Variants in CEP152 observed in about 807,000 individuals in gnomAD.
CEP152 encodes the protein centrosomal protein 152, also known as centrosomal protein of 152 kDa.
Under a neutral mutation model 188.9 loss-of-function variants are expected in CEP152, and 132 were observed. The observed-to-expected ratio is 0.70, with a 90% CI of 0.61 to 0.81. The LOEUF is 0.81. Among genes scored for constraint, CEP152 ranks in the 30% least tolerant of loss-of-function variants. The pLI is 0.00. For synonymous variants in CEP152, 649 were observed against 666.6 expected (o/e 0.97, Z 0.41); for missense variants, 1,914 against 1,969.8 (o/e 0.97, Z 0.54).
Position 48,788,817 on chromosome 15 carries a change from G to C in CEP152, c.1157C>G (p.Thr386Ser). 2 of 1,614,136 alleles carry C rather than the reference G, an allele frequency of 1.2e-6. No homozygotes were observed. The highest frequency in any genetic ancestry group is 1.7e-6 in the Non-Finnish European group (2 of 1,179,992). ...SLQKNLDATV[T>S]ALKEQEDICS... The stretch of plus-strand genomic sequence containing the variant: ...CATCCCAACCTGTTCTTTAAGTGCG[G>C]TGACTGTGGCATCCAAATTCTTTTG... The change falls in exon 9 of 27, where the codon ACC becomes AGC. Residue 386 changes from threonine to serine, a missense_variant. Transcript: ENST00000380950.
intron 20 of CEP152, among the ~76,000 whole-genome samples, chr15:48,753,904 T>C (rs954467329): frequency 3.3e-5 from 5 of 152,244 alleles, no homozygotes; most frequent in Non-Finnish European, 5.9e-5. Flanking sequence ...TCAGTTATTT[T>C]AATGAGGACT....
chr15:48,738,998 G>C lies in CEP152; in HGVS notation c.4384C>G (p.Pro1462Ala). Residue 1462 changes from proline to alanine, a missense_variant, in exon 27 of 27, where the codon CCT becomes GCT. Pro to Ala is a conservative substitution (Grantham distance 27, BLOSUM62 -1). Transcript: ENST00000380950. Reference protein sequence around the residue: ...HLNSLPRNVSPEFVPCEGEGG... With the variant: ...HLNSLPRNVSAEFVPCEGEGG... ...TCACCTTCACAAGGAACAAACTCAGGAGAAACATTCCTTGGCAAACTGTTT... is the reference window on the plus strand; with the variant it reads ...TCACCTTCACAAGGAACAAACTCAGCAGAAACATTCCTTGGCAAACTGTTT... 2 of 1,614,060 alleles carry C rather than the reference G, an allele frequency of 1.2e-6. No individual in the cohort carries two copies. Among genetic ancestry groups the C allele is most frequent in the Non-Finnish European group, 8.5e-7 (1 of 1,180,004 alleles).
intron 20 of CEP152, among the ~76,000 whole-genome samples, chr15:48,753,048 C>A (rs554950554): frequency 4.3e-4 from 65 of 152,348 alleles, no homozygotes; most frequent in Middle Eastern, 3.4e-3. Flanking sequence ...AAACATCTTG[C>A]ACAAGACCAT....
At chr15:48,731,077 A>G (rs1034760854) in intron 2 of CEP152, among the ~76,000 whole-genome samples, 3 of 152,232 alleles carry the variant, frequency 2.0e-5, no homozygotes, top group Non-Finnish European at 2.9e-5. Flanking sequence ...TTTCACTTAC[A>G]TGAGATTTCT....
intron 22 of CEP152, among the ~76,000 whole-genome samples, chr15:48,746,893 T>C (rs1288637869): frequency 6.6e-6 from 1 of 152,068 alleles, no homozygotes; most frequent in African/African-American, 2.4e-5. Flanking sequence ...GGGGAAAAGA[T>C]GAGAAGGAGT....
chr15:48,784,156 A>G lies in CEP152; in HGVS notation c.1174-36T>C, dbSNP rs763487480. The G allele has an allele frequency of 4.4e-6, 7 of 1,588,098 alleles. No homozygotes were observed. In the Admixed American group the frequency reaches 7.0e-5, roughly 16 times the overall value. ...AAAAAGTTCAGGAAGTCATTTTCAT[A>G]AAGAGTTTTAATAAAGAGTAAACTA... On this transcript the variant is annotated intron_variant, in intron 9 of 26. Transcript: ENST00000380950.
chr15:48,798,968 A>T (rs1378534744), intron 2 of CEP152, among the ~76,000 whole-genome samples: 1 of 152,210 alleles, frequency 6.6e-6, no homozygotes, highest in Non-Finnish European at 1.5e-5. Context: ...TAAATTATGT[A>T]ACAATTAGAA....
In CEP152 at chr15:48,752,356, T is replaced by C. The variant is rs774053933; in HGVS notation, c.3459A>G (p.Ala1153=). The C allele has an allele frequency of 9.9e-6, 16 of 1,614,086 alleles. No individual in the cohort carries two copies. In the South Asian group the frequency reaches 1.6e-4, roughly 17 times the overall value. Residue 1153 remains alanine, a synonymous_variant, in exon 21 of 27, where the codon GCA becomes GCG. Transcript: ENST00000380950. ...AQPLALQATE[A]EADKKKVLEI... is the part of the protein sequence containing the mutation. ...GGAACAAAATCCAATTACCAGCTTCTGCTTCTGTTGCTTGTAAGGCCAAGG... is the reference window on the plus strand; with the variant it reads ...GGAACAAAATCCAATTACCAGCTTCCGCTTCTGTTGCTTGTAAGGCCAAGG...
intron 13 of CEP152, 101 bp from the exon 14 acceptor site, chr15:48,769,182 A>G: frequency 1.1e-6 from 1 of 913,212 alleles, no homozygotes; most frequent in South Asian, 1.6e-5. Flanking sequence ...AGTACAAATA[A>G]TCTCCATATA....
chr15:48,781,175 A>G (rs541955425), intron 12 of CEP152, 21 bp downstream of exon 12: 2 of 1,609,738 alleles, frequency 1.2e-6, no homozygotes, highest in Admixed American at 3.3e-5. Flanking sequence ...TCTACAGTAA[A>G]CTAAAATATT....
At chr15:48,765,447 C>T (rs888393657) in intron 17 of CEP152, among the ~76,000 whole-genome samples, 1 of 151,622 alleles carries the variant, frequency 6.6e-6, no homozygotes, top group Non-Finnish European at 1.5e-5. Flanking sequence ...GATCAAATAG[C>T]AGTTTAACTT....
chr15:48,756,454 G>C lies in CEP152; in HGVS notation c.2794C>G (p.His932Asp). Residue 932 changes from histidine to aspartate, a missense_variant, in exon 20 of 27, where the codon CAT becomes GAT. Coordinates refer to ENST00000380950, the MANE Select transcript of CEP152 (RefSeq NM_001194998.2). ...LPGKELEEKI[H>D]SLQKELELKN... is the part of the protein sequence containing the mutation. ...AACTCAAGTTCCTTCTGAAGAGAAT[G>C]AATCTTCTCTTCCAATTCCTTTCCA... 6.2e-7 allele frequency: 1 copy of C among 1,613,516 alleles called. No homozygotes were observed. Among genetic ancestry groups the C allele is most frequent in the Non-Finnish European group, 8.5e-7 (1 of 1,179,776 alleles).
intron 20 of CEP152, among the ~76,000 whole-genome samples, chr15:48,752,864 G>A (rs1008832265): frequency 6.6e-6 from 1 of 152,252 alleles, no homozygotes; most frequent in Non-Finnish European, 1.5e-5. Flanking sequence ...AAGTTAATTA[G>A]CAAGTATAAT....
intron 12 of CEP152, among the ~76,000 whole-genome samples, chr15:48,778,849 T>C (rs1367106613): frequency 1.3e-5 from 2 of 151,586 alleles, no homozygotes; most frequent in African/African-American, 4.9e-5. Flanking sequence ...CTCAGGAGGC[T>C]GAGGCAGGAG....
intron 18 of CEP152, among the ~76,000 whole-genome samples, chr15:48,761,923 A>T (rs747132394): frequency 1.3e-5 from 2 of 152,326 alleles, no homozygotes; most frequent in Non-Finnish European, 2.9e-5. Context: ...TGGAAAGCTG[A>T]TGGGAATGAT....
At chr15:48,753,218 A>T (rs1416084797) in intron 20 of CEP152, among the ~76,000 whole-genome samples, 1 of 152,144 alleles carries the variant, frequency 6.6e-6, no homozygotes, top group Non-Finnish European at 1.5e-5. Context: ...AGCTCACTGC[A>T]ACCTCCACCT....
chr15:48,782,208 CT>C lies in CEP152; in HGVS notation c.1343del (p.Gln448ArgfsTer15). 6.2e-7 allele frequency: 1 copy of C among 1,613,916 alleles called. No homozygotes were observed. Among genetic ancestry groups the C allele is most frequent in the East Asian group, 2.2e-5 (1 of 44,866 alleles). ...GTGCTTGCTGCAGCTGGAACTGTAG[CT>C]GAGCCACCTCTTGTACTGACCCTGC... The part of the protein sequence containing the change: ...LQSGSVQEVA[Q>X]LQFQLQQAQK... On this transcript the variant is annotated frameshift_variant, in exon 11 of 27. Transcript: ENST00000380950. LOFTEE classifies it high-confidence loss of function.
At chr15:48,805,745 G>A (rs1897947797) in intron 1 of CEP152, 89 bp from the exon 2 acceptor site, 7 of 1,556,536 alleles carry the variant, frequency 4.5e-6, no homozygotes, top group South Asian at 1.1e-5. Flanking sequence ...CATACACAAA[G>A]TGAAAAGACA....
At chr15:48,740,896 T>C (rs1177052456) in intron 26 of CEP152, 1 of 331,810 alleles carries the variant, frequency 3.0e-6, no homozygotes, top group South Asian at 1.2e-4. Flanking sequence ...AAGAGAGGAT[T>C]AACCCCACCT....
Sources: gnomAD v4.1 joint callset for allele counts (sites outside exome capture counted in the v4.1 genomes callset) on GRCh38, gnomAD v4.1.1 for gene constraint, MANE v1.5 for transcripts, NCBI Gene and HGNC (gene_info 2026-07-23, HGNC 2026-07-21) for gene names.